Variants in LMO4 observed in about 807,000 individuals in gnomAD.
LMO4 encodes the protein LIM domain only 4.
In LMO4, 3 loss-of-function variants were observed where a neutral mutation model predicts 18.5. The observed-to-expected ratio is 0.16, with a 90% CI of 0.07 to 0.42. The LOEUF (loss-of-function observed/expected upper bound fraction) is 0.42, where lower values mean the gene tolerates loss of function less well. LMO4 is among the 10% of genes least tolerant of loss of function. The probability of loss-of-function intolerance (pLI) is 0.99; values close to 1 mark genes in which losing one functional copy is unlikely to be tolerated. For synonymous variants in LMO4, 100 were observed against 88.1 expected (o/e 1.14, Z -0.76); for missense variants, 121 against 219.9 (o/e 0.55, Z 2.84).
chr1:87,331,676 G>C (rs1211097269), intron 1 of LMO4: 2 of 326,456 alleles, frequency 6.1e-6, no homozygotes, highest in Non-Finnish European at 1.1e-5. Flanking sequence ...CGGGGGCTGG[G>C]AGGAGGTGCC....
At position 87,346,250 on chromosome 1, in the gene LMO4, ACTGAGTTG is replaced by A. The variant is rs933818850; in HGVS notation, c.*1458_*1465del. ...CTTCATTTAGTCTTAGTCTTGAGAT[ACTGAGTTG>A]CTGGTTGCAGGCAGCAGAGTGTCCA... On this transcript the variant is annotated 3_prime_UTR_variant, in exon 5 of 5. Transcript: ENST00000370544. 68 of 152,332 alleles carry A rather than the reference ACTGAGTTG, an allele frequency of 4.5e-4. No individual in the cohort carries two copies. The highest frequency in any genetic ancestry group is 1.6e-3 in the African/African-American group (67 of 41,586). The allele number at this position is 152,332 out of a possible 1,614,324, so 9.4% of individuals were successfully genotyped here.
At position 87,347,473 on chromosome 1, in the gene LMO4, C is replaced by G. The variant is rs1240704851; in HGVS notation, c.*2677C>G. On this transcript the variant is annotated 3_prime_UTR_variant, in exon 5 of 5. Coordinates refer to ENST00000370544, the MANE Select transcript of LMO4 (RefSeq NM_006769.4). The stretch of plus-strand genomic sequence containing the variant: ...AACATTGCTTAGGAAAAAAAAAAAT[C>G]TATGAGTTTATTCCACCTTTCATCC... The G allele has an allele frequency of 6.6e-6, 1 of 152,004 alleles. No homozygotes were observed. The highest frequency in any genetic ancestry group is 2.4e-5 in the African/African-American group (1 of 41,362). The allele number at this position is 152,004 out of a possible 1,614,324, so 9.4% of individuals were successfully genotyped here.
intron 2 of LMO4, among the ~76,000 whole-genome samples, chr1:87,336,898 G>A (rs968627393): frequency 6.6e-6 from 1 of 152,116 alleles, no homozygotes; most frequent in Non-Finnish European, 1.5e-5. Flanking sequence ...AAAGCCTCGA[G>A]CCTTTTAAAT....
At position 87,329,154 on chromosome 1, in the gene LMO4, G is replaced by T; in HGVS notation, c.-94G>T. 6.6e-6 allele frequency: 1 copy of T among 151,700 alleles called. No homozygotes were observed. Among genetic ancestry groups the T allele is most frequent in the Non-Finnish European group, 1.5e-5 (1 of 67,962 alleles). The allele number at this position is 151,700 out of a possible 1,614,324, so 9.4% of individuals were successfully genotyped here. ...TCCCTCCCTCCCTCCAGCTCCGCCA[G>T]CCCAGGCGCCCCTTCCCTGGAAGCC... On this transcript the variant is annotated 5_prime_UTR_variant, in exon 1 of 5. Transcript: ENST00000370544.
chr1:87,332,186 G>A lies in LMO4; in HGVS notation c.171G>A (p.Leu57=), dbSNP rs2100774166. The A allele has an allele frequency of 1.9e-6, 3 of 1,614,222 alleles. No individual in the cohort carries two copies. The South Asian group carries it at 3.3e-5, about 18-fold the overall frequency. ...AGTGCTCCTGCTGCCAGGCGCAGCT[G>A]GGCGACATCGGCACGTCCTGTTACA... ...CLKCSCCQAQ[L]GDIGTSCYTK... The change falls in exon 2 of 5, where the codon CTG becomes CTA. Residue 57 remains leucine (L), a synonymous_variant. Coordinates refer to ENST00000370544, the MANE Select transcript of LMO4 (RefSeq NM_006769.4).
Position 87,332,263 on chromosome 1 carries a change from C to T in LMO4, c.236+12C>T. ...AATGACTACATTAGGTAAGACTTTG[C>T]TGTCTTTCCTGGAGATGGGGGGAAG... On this transcript the variant is annotated intron_variant, in intron 2 of 4. Transcript: ENST00000370544. 6.3e-7 allele frequency: 1 copy of T among 1,592,090 alleles called. No homozygotes were observed. Among genetic ancestry groups the T allele is most frequent in the South Asian group, 1.1e-5 (1 of 90,532 alleles).
intron 2 of LMO4, among the ~76,000 whole-genome samples, chr1:87,334,877 G>A (rs1650256692): frequency 6.6e-6 from 1 of 152,170 alleles, no homozygotes; most frequent in South Asian, 2.1e-4. Context: ...TTAATTAGTG[G>A]CTCCTCCATT....
rs1650174503 is a variant in LMO4 at position 87,332,138 on chromosome 1, C to G, written c.123C>G (p.Ser41Arg). The part of the protein sequence containing the change: ...ADRFLLYAMD[S>R]YWHSRCLKCS... ...GCTTTCTGCTCTATGCCATGGACAG[C>G]TATTGGCACAGCCGGTGCCTCAAGT... Residue 41 changes from serine to arginine, a missense_variant, in exon 2 of 5, where the codon AGC (serine) becomes AGG (arginine). By Grantham distance (110) the Ser-to-Arg change is moderately radical (BLOSUM62 -1). Coordinates refer to ENST00000370544, the MANE Select transcript of LMO4 (RefSeq NM_006769.4). 6.2e-7 allele frequency: 1 copy of G among 1,614,088 alleles called. No individual in the cohort carries two copies. Among genetic ancestry groups the G allele is most frequent in the African/African-American group, 1.3e-5 (1 of 74,948 alleles).
chr1:87,332,051 G>T lies in LMO4; in HGVS notation c.36G>T (p.Pro12=), dbSNP rs368866009. The T allele has an allele frequency of 7.4e-6, 12 of 1,613,140 alleles. No individual in the cohort carries two copies. Among genetic ancestry groups the T allele is most frequent in the Non-Finnish European group, 1.0e-5 (12 of 1,179,926 alleles). The change falls in exon 2 of 5, where the codon CCG becomes CCT. Residue 12 remains proline (P), a synonymous_variant. Transcript: ENST00000370544. The part of the protein sequence containing the change: ...VNPGSSSQPP[P]VTAGSLSWKR... ...CGGGCAGCAGCTCGCAGCCGCCCCC[G>T]GTGACGGCCGGCTCCCTCTCCTGGA...
At position 87,331,685 on chromosome 1, in the gene LMO4, C is replaced by T. The variant is rs1225973447; in HGVS notation, c.-3-328C>T. 1.5e-5 allele frequency: 5 copies of T among 335,422 alleles called. No individual in the cohort carries two copies. In the East Asian group the frequency reaches 2.1e-4, roughly 14 times the overall value. The allele number at this position is 335,422 out of a possible 1,614,324, so 20.8% of individuals were successfully genotyped here. ...CGGAGGCGGGGGCTGGGAGGAGGTGCCGCGAGGGGTGGAGCGCGCAGCGGA... is the reference window on the plus strand; with the variant it reads ...CGGAGGCGGGGGCTGGGAGGAGGTGTCGCGAGGGGTGGAGCGCGCAGCGGA... On this transcript the variant is annotated intron_variant, in intron 1 of 4. Coordinates refer to ENST00000370544, the MANE Select transcript of LMO4 (RefSeq NM_006769.4).
chr1:87,348,911 G>A lies in LMO4; in HGVS notation c.*4115G>A. ...CCTAAATCACAACTAATAAAGCAGA[G>A]GATGAAAATCAATTGATTCTGTTAT... On this transcript the variant is annotated 3_prime_UTR_variant, in exon 5 of 5. Coordinates refer to ENST00000370544, the MANE Select transcript of LMO4 (RefSeq NM_006769.4). 1 of 414,946 alleles carries A rather than the reference G, an allele frequency of 2.4e-6. No individual in the cohort carries two copies. Among genetic ancestry groups the A allele is most frequent in the South Asian group, 1.7e-5 (1 of 58,012 alleles). 25.7% of individuals were successfully genotyped at this position (414,946 alleles called of 1,614,324 possible). A position where few individuals can be genotyped will look rare whatever the true frequency, so the allele number is the denominator to read the frequency against.
Position 87,336,977 on chromosome 1 carries a change from A to ACAC in LMO4, c.237-2559_237-2558insCAC, listed in dbSNP as rs1553157571. ...CCAGCGCACAGAAACGTTGTGAAAAAACACACACACACACGCACACACAAC... is the reference window on the plus strand; with the variant it reads ...CCAGCGCACAGAAACGTTGTGAAAAACACACACACACACACACGCACACACAAC... On this transcript the variant is annotated intron_variant, in intron 2 of 4. Coordinates refer to ENST00000370544, the MANE Select transcript of LMO4 (RefSeq NM_006769.4). 2.7e-3 allele frequency among the ~76,000 whole-genome samples: 413 copies of ACAC among 151,874 alleles called. 3 individuals carry two copies. Among genetic ancestry groups the ACAC allele is most frequent in the African/African-American group, 9.3e-3 (383 of 41,382 alleles).
Position 87,347,399 on chromosome 1 carries a change from G to T in LMO4, c.*2603G>T, listed in dbSNP as rs1650665991. On this transcript the variant is annotated 3_prime_UTR_variant, in exon 5 of 5. Transcript: ENST00000370544. ...ATAGAAAGCTACTAAAAACACTCAG[G>T]TTTATTCTGATGTGAGCAGCGATTG... 6.6e-6 allele frequency: 1 copy of T among 151,948 alleles called. No individual in the cohort carries two copies. Among genetic ancestry groups the T allele is most frequent in the East Asian group, 1.9e-4 (1 of 5,182 alleles). The allele number at this position is 151,948 out of a possible 1,614,324, so 9.4% of individuals were successfully genotyped here.
intron 4 of LMO4, among the ~76,000 whole-genome samples, chr1:87,340,844 T>C (rs2100566207): frequency 6.6e-6 from 1 of 152,326 alleles, no homozygotes; most frequent in Non-Finnish European, 1.5e-5. Context: ...TTATGTATCT[T>C]GATTCTTGAT....
chr1:87,333,931 C>T (rs1212839789), intron 2 of LMO4, among the ~76,000 whole-genome samples: 1 of 150,676 alleles, frequency 6.6e-6, no homozygotes, highest in Non-Finnish European at 1.5e-5. Flanking sequence ...CATCTCTTCT[C>T]CGAGTGCCTT....
intron 2 of LMO4, among the ~76,000 whole-genome samples, chr1:87,334,870 A>T (rs1226137258): frequency 6.6e-6 from 1 of 152,210 alleles, no homozygotes; most frequent in Non-Finnish European, 1.5e-5. Flanking sequence ...AAAAGCTTTA[A>T]TTAGTGGCTC....
intron 2 of LMO4, among the ~76,000 whole-genome samples, chr1:87,338,258 T>G (rs905907574): frequency 1.3e-5 from 2 of 152,230 alleles, no homozygotes; most frequent in Non-Finnish European, 2.9e-5. Context: ...TCATTCAGAT[T>G]ATGGGGTGTT....
chr1:87,336,389 A>G (rs1362669902), intron 2 of LMO4, among the ~76,000 whole-genome samples: 1 of 152,238 alleles, frequency 6.6e-6, no homozygotes, highest in Non-Finnish European at 1.5e-5. Context: ...GTAGCGTTTC[A>G]TATTGCATGT....
rs1049864052 is a variant in LMO4, at chr1:87,345,177, C to A, written c.*381C>A. 38 of 202,972 alleles carry A rather than the reference C, an allele frequency of 1.9e-4. No homozygotes were observed. Among genetic ancestry groups the A allele is most frequent in the Non-Finnish European group, 3.2e-4 (33 of 101,656 alleles). 12.6% of individuals were successfully genotyped at this position (202,972 alleles called of 1,614,324 possible). ...GCAGGGCACTGGCCAGAGTTTGTAC[C>A]CTGTGTTTTACCTTAACAACATTCT... On this transcript the variant is annotated 3_prime_UTR_variant, in exon 5 of 5. Transcript: ENST00000370544.
Sources: allele counts gnomAD v4.1 joint callset (sites outside exome capture counted in the v4.1 genomes callset), GRCh38; gene constraint gnomAD v4.1.1; transcripts MANE v1.5; gene names NCBI Gene and HGNC (gene_info 2026-07-23, HGNC 2026-07-21).